Variants in DGKK observed in about 807,000 individuals in gnomAD.
The protein encoded by DGKK is 142 kDa diacylglycerol kinase.
A neutral mutation model predicts 92.2 loss-of-function variants in DGKK; 35 were observed. The observed-to-expected ratio is 0.38, with a 90% CI of 0.29 to 0.50. The LOEUF is 0.50. DGKK is among the 20% of genes least tolerant of loss of function. The pLI is 0.92. For synonymous variants in DGKK, 368 were observed against 360.6 expected (o/e 1.02, Z -0.23); for missense variants, 910 against 992.2 (o/e 0.92, Z 1.11).
At chrX:50,400,617 T>C (rs782373553) in intron 8 of DGKK, among the ~76,000 whole-genome samples, 6 of 111,770 alleles carry the variant, frequency 5.4e-5, no homozygotes, top group African/African-American at 2.0e-4. Flanking sequence ...AAAGCATCAG[T>C]GAAGTTGGGG....
chrX:50,449,564 G>A (rs1156437390), intron 1 of DGKK, among the ~76,000 whole-genome samples: 1 of 111,296 alleles, frequency 9.0e-6, no homozygotes, highest in Non-Finnish European at 1.9e-5. Flanking sequence ...TAATGTAATG[G>A]GTCATACAAA....
chrX:50,439,173 A>G (rs2147143173), intron 1 of DGKK, among the ~76,000 whole-genome samples: 1 of 111,874 alleles, frequency 8.9e-6, no homozygotes, highest in African/African-American at 3.2e-5. Flanking sequence ...TTTTCTATCA[A>G]TTGGCTCCTA....
At chrX:50,392,722 A>G (rs1452314660) in intron 9 of DGKK, among the ~76,000 whole-genome samples, 1 of 112,692 alleles carries the variant, frequency 8.9e-6, no homozygotes, top group Non-Finnish European at 1.9e-5. Context: ...GATGCCTTGC[A>G]TGGTGGCCAG....
At position 50,403,052 on chromosome X, in the gene DGKK, G is replaced by C. The variant is rs782540129; in HGVS notation, c.1308+9C>G. 2.5e-6 allele frequency: 3 copies of C among 1,209,461 alleles called. No homozygotes were observed. The highest frequency in any genetic ancestry group is 3.4e-6 in the Non-Finnish European group (3 of 894,354). On this transcript the variant is annotated intron_variant, in intron 7 of 27. Coordinates refer to ENST00000611977, the MANE Select transcript of DGKK (RefSeq NM_001013742.4). ...AGTTCTCTAAATATCAAGATGAGAA[G>C]AGTCTTACCGTAGAATTACACCACA... is the stretch of plus-strand genomic sequence containing the variant.
chrX:50,405,418 C>T (rs903972972), intron 4 of DGKK, among the ~76,000 whole-genome samples: 8 of 111,190 alleles, frequency 7.2e-5, no homozygotes, highest in Non-Finnish European at 1.3e-4. Context: ...CAGACATAGG[C>T]GTACACAGAG....
chrX:50,469,508 C>T (rs1926996648), intron 1 of DGKK, among the ~76,000 whole-genome samples: 1 of 112,413 alleles, frequency 8.9e-6, no homozygotes, highest in South Asian at 3.7e-4. Context: ...CGGGCACCTC[C>T]CTGGAGGGCC....
chrX:50,375,176 T>C (rs1478544521), intron 24 of DGKK, 119 bp from the exon 25 acceptor site: 13 of 495,889 alleles, frequency 2.6e-5, no homozygotes, highest in Middle Eastern at 3.4e-4. Context: ...GATGTGGCTA[T>C]AGGTGAAAAA....
At position 50,382,552 on chromosome X, in the gene DGKK, A is replaced by G; in HGVS notation, c.2601T>C (p.Asp867=). 8.3e-7 allele frequency: 1 copy of G among 1,210,640 alleles called. No individual in the cohort carries two copies. The highest frequency in any genetic ancestry group is 1.1e-6 in the Non-Finnish European group (1 of 894,773). Residue 867 remains aspartate, a synonymous_variant, in exon 18 of 28, where the codon GAT becomes GAC. Coordinates refer to ENST00000611977, the MANE Select transcript of DGKK (RefSeq NM_001013742.4). ...TGTTGAAGTCCAGAGAAATTTTAGCATCCAGTCCAATTCCGAAGTAGTTGT... is the reference window on the plus strand; with the variant it reads ...TGTTGAAGTCCAGAGAAATTTTAGCGTCCAGTCCAATTCCGAAGTAGTTGT... ...VMNNYFGIGL[D]AKISLDFNTR...
intron 1 of DGKK, among the ~76,000 whole-genome samples, chrX:50,466,135 A>G (rs782324132): frequency 9.3e-6 from 1 of 107,330 alleles, no homozygotes; most frequent in East Asian, 2.9e-4. Flanking sequence ...TACTCTGAGA[A>G]ACTAAAGACC....
At chrX:50,429,346 C>G (rs1212734530) in intron 1 of DGKK, among the ~76,000 whole-genome samples, 1 of 111,833 alleles carries the variant, frequency 8.9e-6, no homozygotes, top group African/African-American at 3.3e-5. Context: ...CCCACCCCAT[C>G]CCCCTGCCAA....
intron 13 of DGKK, among the ~76,000 whole-genome samples, 152 bp from the exon 14 acceptor site, chrX:50,387,805 CT>C (rs1418361695): frequency 8.0e-4 from 88 of 110,582 alleles, no homozygotes; most frequent in African/African-American, 2.7e-3. Context: ...TTTCTCTCTG[CT>C]TTTTTTTTCC....
At chrX:50,436,893 C>T (rs1557230826) in intron 1 of DGKK, among the ~76,000 whole-genome samples, 1 of 111,201 alleles carries the variant, frequency 9.0e-6, no homozygotes, top group African/African-American at 3.3e-5. Context: ...GATTAGTAGT[C>T]CATATTTCAA....
chrX:50,369,860 T>C (rs1201336008), intron 27 of DGKK, among the ~76,000 whole-genome samples: 1 of 111,426 alleles, frequency 9.0e-6, no homozygotes, highest in Non-Finnish European at 1.9e-5. Flanking sequence ...CTGTTCCTTT[T>C]TTTTCCATGT....
intron 1 of DGKK, among the ~76,000 whole-genome samples, chrX:50,457,211 G>T (rs1220327647): frequency 9.0e-6 from 1 of 111,517 alleles, no homozygotes; most frequent in Non-Finnish European, 1.9e-5. Context: ...CAGTCTTGCA[G>T]CATTTTAGGA....
At chrX:50,449,571 C>A (rs1402124181) in intron 1 of DGKK, among the ~76,000 whole-genome samples, 2 of 111,233 alleles carry the variant, frequency 1.8e-5, no homozygotes, top group African/African-American at 3.3e-5. Context: ...ATGGGTCATA[C>A]AAAGACTCTA....
intron 4 of DGKK, among the ~76,000 whole-genome samples, chrX:50,411,716 A>C (rs942260140): frequency 8.9e-6 from 1 of 111,901 alleles, no homozygotes; most frequent in Non-Finnish European, 1.9e-5. Context: ...CATATGTAAA[A>C]ACCAGAGCAA....
At chrX:50,446,338 C>A (rs991961990) in intron 1 of DGKK, among the ~76,000 whole-genome samples, 2 of 111,189 alleles carry the variant, frequency 1.8e-5, no homozygotes, top group Non-Finnish European at 3.8e-5. Flanking sequence ...GTTCCACCAA[C>A]AATTTATAAG....
At chrX:50,376,622 C>T (rs1557223865) in intron 23 of DGKK, 136 bp downstream of exon 23, 1 of 541,352 alleles carries the variant, frequency 1.8e-6, no homozygotes, top group Non-Finnish European at 2.8e-6. Context: ...TTGTGAGGGT[C>T]CCGCTCAATT....
In DGKK at chrX:50,382,595, T is replaced by C. The variant is rs996470723; in HGVS notation, c.2558A>G (p.Lys853Arg). ...LHFTPESIRF[K>R]EKCVMNNYFG... The stretch of plus-strand genomic sequence containing the variant: ...GTAGTTGTTCATGACACATTTTTCT[T>C]TGAAGCGTCTGAAATTATTCAAAGA... Residue 853 changes from lysine (K) to arginine (R), a missense_variant, in exon 18 of 28, where the codon AAA (lysine) becomes AGA (arginine). Coordinates refer to ENST00000611977, the MANE Select transcript of DGKK (RefSeq NM_001013742.4). 8.3e-7 allele frequency: 1 copy of C among 1,201,177 alleles called. No homozygotes were observed. The highest frequency in any genetic ancestry group is 1.7e-5 in the African/African-American group (1 of 57,461).
Sources: allele counts gnomAD v4.1 joint callset (sites outside exome capture counted in the v4.1 genomes callset), GRCh38; gene constraint gnomAD v4.1.1; transcripts MANE v1.5; gene names NCBI Gene and HGNC (gene_info 2026-07-23, HGNC 2026-07-21).